IPPK: variants seen among roughly 807,000 people sequenced by gnomAD.
IPPK encodes IPK1 homolog.
In IPPK, 22 loss-of-function variants were observed where a neutral mutation model predicts 64.6. The observed-to-expected ratio is 0.34, with a 90% CI of 0.24 to 0.49. The LOEUF (loss-of-function observed/expected upper bound fraction) is 0.49, where lower values mean the gene tolerates loss of function less well. IPPK is among the 20% of genes least tolerant of loss of function. The pLI is 0.99. For missense variants in IPPK, 532 were observed against 630.7 expected (o/e 0.84, Z 1.68); for synonymous variants, 262 against 247.2 (o/e 1.06, Z -0.56).
At chr9:92,617,958 A>G (rs1032990006) in intron 12 of IPPK, 9 of 323,440 alleles carry the variant, frequency 2.8e-5, no homozygotes, top group East Asian at 2.4e-4. Context: ...AATGTGGTCA[A>G]TCTATCTGTG....
intron 11 of IPPK, among the ~76,000 whole-genome samples, chr9:92,631,430 C>T (rs1851843573): frequency 6.6e-6 from 1 of 152,118 alleles, no homozygotes; most frequent in Non-Finnish European, 1.5e-5. Context: ...GATCCACCTG[C>T]CTCAGCCTCC....
chr9:92,644,514 C>T (rs1003528212), intron 6 of IPPK, among the ~76,000 whole-genome samples: 9 of 152,082 alleles, frequency 5.9e-5, no homozygotes, highest in African/African-American at 2.2e-4. Flanking sequence ...CAAGCGTTCC[C>T]GGAAAGATCA....
chr9:92,656,270 T>C (rs983669078), intron 3 of IPPK, among the ~76,000 whole-genome samples, 186 bp downstream of exon 3: 1 of 152,172 alleles, frequency 6.6e-6, no homozygotes, highest in African/African-American at 2.4e-5. Flanking sequence ...AACCCCATGC[T>C]TCTCAGCTAG....
rs1852421095 is a variant in IPPK at position 92,658,627 on chromosome 9, A to G, written c.129+7T>C. On this transcript the variant is annotated splice_region_variant and intron_variant, in intron 2 of 12. Coordinates refer to ENST00000287996, the MANE Select transcript of IPPK (RefSeq NM_022755.6). ...TGTAAGTCTGGGTGCAAACCCACCC[A>G]TCTTACCTTCTTCCTATTTGGAGGA... is the stretch of plus-strand genomic sequence containing the variant. 2 of 1,612,594 alleles carry G rather than the reference A, an allele frequency of 1.2e-6. No homozygotes were observed. Among genetic ancestry groups the G allele is most frequent in the Non-Finnish European group, 1.7e-6 (2 of 1,178,700 alleles).
chr9:92,655,800 A>G (rs540960189), intron 3 of IPPK, among the ~76,000 whole-genome samples: 3 of 152,302 alleles, frequency 2.0e-5, no homozygotes, highest in South Asian at 4.1e-4. Context: ...CACTCCCAAC[A>G]TCACAACAGT....
At position 92,637,236 on chromosome 9, in the gene IPPK, G is replaced by A. The variant is rs574246506; in HGVS notation, c.916+765C>T. On this transcript the variant is annotated intron_variant, in intron 9 of 12. Transcript: ENST00000287996. ...CAGGAAAATCACCTGAACCTAGGAG[G>A]TGGAGGTTGCAGTGAGTCGAGATCA... 2.8e-4 allele frequency among the ~76,000 whole-genome samples: 43 copies of A among 152,292 alleles called. 1 individual carries two copies. The South Asian group carries it at 6.2e-3, about 22-fold the overall frequency.
intron 8 of IPPK, 83 bp from the exon 9 acceptor site, chr9:92,638,363 A>T: frequency 6.7e-7 from 1 of 1,494,344 alleles, no homozygotes; most frequent in Non-Finnish European, 9.1e-7. Flanking sequence ...CCAGCATCCC[A>T]GGCAGCGGGT....
intron 5 of IPPK, 96 bp from the exon 6 acceptor site, chr9:92,648,244 A>T (rs913453579): frequency 3.6e-5 from 33 of 919,174 alleles, no homozygotes; most frequent in South Asian, 2.8e-4. Flanking sequence ...GAGTGCAGCA[A>T]GATAATTAGG....
chr9:92,618,181 C>CT (rs1564025569), intron 12 of IPPK: 1 of 454,960 alleles, frequency 2.2e-6, no homozygotes, highest in Admixed American at 2.4e-5. Context: ...GAAGCCTTCT[C>CT]TGAGATCCTC....
At chr9:92,661,182 G>A (rs966372654) in intron 1 of IPPK, among the ~76,000 whole-genome samples, 14 of 152,222 alleles carry the variant, frequency 9.2e-5, no homozygotes, top group Non-Finnish European at 1.5e-4. Context: ...AGAAATATGG[G>A]AAGTGAGACT....
In IPPK at chr9:92,638,028, G is replaced by A. The variant is rs1851976052; in HGVS notation, c.889C>T (p.Pro297Ser). ...PQGPRVCEAS[P>S]FSRSLRCQGK... ...TGGCAGCGAAGGCTCCTACTGAAAG[G>A]GCTGGCTTCGCAGACTCGCGGGCCC... Residue 297 changes from proline to serine, a missense_variant, in exon 9 of 13, where the codon CCT becomes TCT. Physicochemically the swap from Pro to Ser is moderately conservative, Grantham distance 74. Coordinates refer to ENST00000287996, the MANE Select transcript of IPPK (RefSeq NM_022755.6). 1 of 1,594,052 alleles carries A rather than the reference G, an allele frequency of 6.3e-7. No homozygotes were observed. The highest frequency in any genetic ancestry group is 8.5e-7 in the Non-Finnish European group (1 of 1,169,966).
chr9:92,658,219 CT>C (rs1852411698), intron 2 of IPPK, among the ~76,000 whole-genome samples: 1 of 152,254 alleles, frequency 6.6e-6, no homozygotes, highest in Non-Finnish European at 1.5e-5. Flanking sequence ...TAACGACCCC[CT>C]CCCACCACAA....
chr9:92,622,621 T>A (rs1215849745), intron 11 of IPPK, among the ~76,000 whole-genome samples: 1 of 151,932 alleles, frequency 6.6e-6, no homozygotes. Context: ...TATATATATA[T>A]AAAAGTTTAA....
intron 11 of IPPK, among the ~76,000 whole-genome samples, chr9:92,627,624 T>C (rs1030814885): frequency 8.5e-5 from 13 of 152,152 alleles, no homozygotes; most frequent in African/African-American, 2.9e-4. Context: ...TCAAATGATA[T>C]AGAAAAGGCA....
At chr9:92,622,993 T>C (rs1851670472) in intron 11 of IPPK, among the ~76,000 whole-genome samples, 1 of 152,068 alleles carries the variant, frequency 6.6e-6, no homozygotes, top group Non-Finnish European at 1.5e-5. Context: ...CAACAAAATG[T>C]GAAAGACAAA....
chr9:92,624,030 A>G (rs967221705), intron 11 of IPPK, among the ~76,000 whole-genome samples: 7 of 152,220 alleles, frequency 4.6e-5, no homozygotes, highest in Admixed American at 4.6e-4. Flanking sequence ...TGTGACTTGA[A>G]GCCAAACAAT....
At position 92,614,726 on chromosome 9, in the gene IPPK, T is replaced by TATAA. The variant is rs1851378541; in HGVS notation, c.*1102_*1105dup. 6.6e-6 allele frequency: 1 copy of TATAA among 152,620 alleles called. No individual in the cohort carries two copies. Among genetic ancestry groups the TATAA allele is most frequent in the Non-Finnish European group, 1.5e-5 (1 of 68,038 alleles). 9.5% of individuals were successfully genotyped at this position (152,620 alleles called of 1,614,324 possible). ...CTCCATTAGTCCCTCAAAACGATGA[T>TATAA]ATAAATAAGTCTGTACAACCTAGCA... On this transcript the variant is annotated 3_prime_UTR_variant, in exon 13 of 13. Coordinates refer to ENST00000287996, the MANE Select transcript of IPPK (RefSeq NM_022755.6).
chr9:92,624,481 T>C (rs1412414176), intron 11 of IPPK, among the ~76,000 whole-genome samples: 1 of 150,348 alleles, frequency 6.7e-6, no homozygotes, highest in South Asian at 2.1e-4. Context: ...AGGAAGAAAT[T>C]AGCCAGGTGT....
chr9:92,621,833 T>A (rs555682713), intron 11 of IPPK, among the ~76,000 whole-genome samples: 5 of 152,310 alleles, frequency 3.3e-5, no homozygotes, highest in African/African-American at 1.2e-4. Context: ...AATCCACCTC[T>A]TCCAGGCAAC....
Sources: allele counts gnomAD v4.1 joint callset (sites outside exome capture counted in the v4.1 genomes callset), GRCh38; gene constraint gnomAD v4.1.1; transcripts MANE v1.5; gene names NCBI Gene and HGNC (gene_info 2026-07-23, HGNC 2026-07-21).